Variants in SLC22A23 observed in about 807,000 individuals in gnomAD.
SLC22A23 encodes the protein ion transporter protein.
A neutral mutation model predicts 61.0 loss-of-function variants in SLC22A23; 26 were observed. That is an observed-to-expected ratio of 0.43 (90% CI 0.31 to 0.59). The LOEUF (loss-of-function observed/expected upper bound fraction) is 0.59. SLC22A23 is among the 20% of genes least tolerant of loss of function. The probability of loss-of-function intolerance (pLI) is 0.11; values close to 1 mark genes in which losing one functional copy is unlikely to be tolerated. For synonymous variants in SLC22A23, 430 were observed against 413.9 expected, an observed-to-expected ratio of 1.04 and a Z score of -0.47; for missense variants, 796 against 934.7, an observed-to-expected ratio of 0.85 and a Z score of 1.94.
In SLC22A23 at chr6:3,427,876, A is replaced by C. The variant is rs946843330; in HGVS notation, c.655-12021T>G. ...GCATGACAGCAGAGTGTGACTGTGCAGGCTGGCTCCCGGCCCCCGCCCTCT... is the reference window on the plus strand; with the variant it reads ...GCATGACAGCAGAGTGTGACTGTGCCGGCTGGCTCCCGGCCCCCGCCCTCT... On this transcript the variant is annotated intron_variant, in intron 1 of 9. Coordinates refer to ENST00000406686, the MANE Select transcript of SLC22A23 (RefSeq NM_015482.2). The surrounding 1 kb of genome is among the most constrained non-coding windows in gnomAD (Gnocchi z 4.3). 6.6e-6 allele frequency among the ~76,000 whole-genome samples: 1 copy of C among 152,320 alleles called. No homozygotes were observed. The highest frequency in any genetic ancestry group is 6.5e-5 in the Admixed American group (1 of 15,300).
At chr6:3,280,512 T>TCC (rs1554132934) in intron 9 of SLC22A23, among the ~76,000 whole-genome samples, 2,524 of 98,264 alleles carry the variant, frequency 0.026, 166 homozygotes, top group African/African-American at 0.085. Context: ...TTTTTTTTTT[T>TCC]TGAGATGGAG....
chr6:3,288,129 G>A (rs776805698), intron 6 of SLC22A23, among the ~76,000 whole-genome samples: 4 of 152,198 alleles, frequency 2.6e-5, no homozygotes, highest in Non-Finnish European at 4.4e-5. Context: ...ACCCTCCCAC[G>A]GAGGCTGCTG....
chr6:3,340,421 A>G (rs116439175), intron 3 of SLC22A23, among the ~76,000 whole-genome samples: 1 of 152,104 alleles, frequency 6.6e-6, no homozygotes, highest in Non-Finnish European at 1.5e-5. Context: ...TGGCCTGGGG[A>G]CCCATACGTA....
At position 3,355,456 on chromosome 6, in the gene SLC22A23, G is replaced by A. The variant is rs376334875; in HGVS notation, c.914-31454C>T. On this transcript the variant is annotated intron_variant, in intron 3 of 9. Coordinates refer to ENST00000406686, the MANE Select transcript of SLC22A23 (RefSeq NM_015482.2). ...GGTCGAGAAAAAAAATCTCCATGATGATCTCTTAGAAATATAAATGTATTT... is the reference window on the plus strand; with the variant it reads ...GGTCGAGAAAAAAAATCTCCATGATAATCTCTTAGAAATATAAATGTATTT... Among the ~76,000 whole-genome samples, 4 of 152,244 alleles carry A rather than the reference G, an allele frequency of 2.6e-5. No homozygotes were observed. In the East Asian group the frequency reaches 7.7e-4, roughly 29 times the overall value.
intron 3 of SLC22A23, among the ~76,000 whole-genome samples, chr6:3,354,219 C>T (rs904649503): frequency 1.1e-4 from 16 of 152,240 alleles, no homozygotes; most frequent in Admixed American, 5.9e-4. Flanking sequence ...GCACTCCCAA[C>T]GGAGAGGCAG....
chr6:3,405,400 G>A (rs1487293952), intron 3 of SLC22A23, among the ~76,000 whole-genome samples: 2 of 152,240 alleles, frequency 1.3e-5, no homozygotes, highest in East Asian at 3.8e-4. Context: ...CTACTGGGAA[G>A]GCCCACGTAT....
chr6:3,325,886 A>C (rs542637693), intron 3 of SLC22A23, among the ~76,000 whole-genome samples: 1 of 152,374 alleles, frequency 6.6e-6, no homozygotes, highest in South Asian at 2.1e-4. Flanking sequence ...GATAATGTGG[A>C]AACAGCATGA....
chr6:3,435,883 C>T (rs2127544532), intron 1 of SLC22A23, among the ~76,000 whole-genome samples: 1 of 152,308 alleles, frequency 6.6e-6, no homozygotes, highest in Non-Finnish European at 1.5e-5. Flanking sequence ...CAGACACACA[C>T]AGAGGGAGGA....
chr6:3,385,165 T>C (rs534725150), intron 3 of SLC22A23, among the ~76,000 whole-genome samples: 121 of 152,154 alleles, frequency 8.0e-4, no homozygotes, highest in Non-Finnish European at 1.5e-3. Flanking sequence ...TGGATGGTGG[T>C]GAGGGGTGCC....
intron 1 of SLC22A23, among the ~76,000 whole-genome samples, chr6:3,434,663 A>G (rs1269799140): frequency 6.6e-6 from 1 of 152,182 alleles, no homozygotes; most frequent in Non-Finnish European, 1.5e-5. Flanking sequence ...CAGGGCAGAA[A>G]TATCTGATGG....
At chr6:3,319,350 G>T (rs146762271) in intron 4 of SLC22A23, among the ~76,000 whole-genome samples, 1 of 152,206 alleles carries the variant, frequency 6.6e-6, no homozygotes, top group Non-Finnish European at 1.5e-5. Context: ...CCAGAAGTTT[G>T]TGTGACTTCC....
intron 1 of SLC22A23, among the ~76,000 whole-genome samples, chr6:3,416,201 G>T (rs1287710697): frequency 6.6e-6 from 1 of 152,252 alleles, no homozygotes; most frequent in Non-Finnish European, 1.5e-5. Context: ...AGGACCAGTG[G>T]TCCCTCACCA....
rs371305286 is a variant in SLC22A23, at chr6:3,273,361, C to A, written c.1755G>T (p.Thr585=). ...VLASAGFGML[T]APIIELHNQK... ...GGTTGTGCAGCTCGATGATGGGTGC[C>A]GTCAGCATGCCGAAGCCCGCGCTGG... The change falls in exon 10 of 10, where the codon ACG becomes ACT. Residue 585 remains threonine (T), a synonymous_variant. Coordinates refer to ENST00000406686, the MANE Select transcript of SLC22A23 (RefSeq NM_015482.2). 2 of 1,613,430 alleles carry A rather than the reference C, an allele frequency of 1.2e-6. No homozygotes were observed. The highest frequency in any genetic ancestry group is 1.7e-6 in the Non-Finnish European group (2 of 1,179,938).
At position 3,293,361 on chromosome 6, in the gene SLC22A23, G is replaced by A. The variant is rs1024178539; in HGVS notation, c.1211-3495C>T. Reference sequence around the variant, plus strand: ...GGAGGCAGCCCTGAGCCCCACACCCGTGTTGGGAAGTAGAAAAAGCACCTG... The same window carrying A: ...GGAGGCAGCCCTGAGCCCCACACCCATGTTGGGAAGTAGAAAAAGCACCTG... On this transcript the variant is annotated intron_variant, in intron 5 of 9. Transcript: ENST00000406686. 7.9e-5 allele frequency among the ~76,000 whole-genome samples: 12 copies of A among 152,182 alleles called. No homozygotes were observed. The East Asian group carries it at 1.7e-3, about 22-fold the overall frequency.
intron 3 of SLC22A23, among the ~76,000 whole-genome samples, chr6:3,374,949 G>A (rs1766464784): frequency 6.6e-6 from 1 of 152,212 alleles, no homozygotes; most frequent in Non-Finnish European, 1.5e-5. Context: ...CATTTCTAAA[G>A]AGGAAACTGA....
intron 3 of SLC22A23, among the ~76,000 whole-genome samples, chr6:3,349,114 A>G (rs1489467377): frequency 1.3e-5 from 2 of 152,222 alleles, no homozygotes; most frequent in African/African-American, 4.8e-5. Flanking sequence ...CTTTTCTGCA[A>G]ACAGCTGGGT....
chr6:3,295,465 G>C (rs750398405), intron 5 of SLC22A23, among the ~76,000 whole-genome samples: 9 of 152,192 alleles, frequency 5.9e-5, no homozygotes, highest in Non-Finnish European at 1.0e-4. Flanking sequence ...CTACCCGAAA[G>C]GCACTGGGAG....
Position 3,342,228 on chromosome 6 carries a change from T to C in SLC22A23, c.914-18226A>G, listed in dbSNP as rs979734613. On this transcript the variant is annotated intron_variant, in intron 3 of 9. Coordinates refer to ENST00000406686, the MANE Select transcript of SLC22A23 (RefSeq NM_015482.2). The surrounding 1 kb of genome is among the most constrained non-coding windows in gnomAD (Gnocchi z 4.0). ...TCAAGATGGAAGCCTCAATTTGAAA[T>C]CCAGCCCAATGTGGTTTGCTGTTTT... Among the ~76,000 whole-genome samples the C allele has an allele frequency of 3.9e-5, 6 of 152,216 alleles. No homozygotes were observed. Among genetic ancestry groups the C allele is most frequent in the Non-Finnish European group, 8.8e-5 (6 of 68,032 alleles).
At chr6:3,288,576 A>G (rs1187795441) in intron 6 of SLC22A23, among the ~76,000 whole-genome samples, 4 of 152,250 alleles carry the variant, frequency 2.6e-5, no homozygotes, top group African/African-American at 9.6e-5. Context: ...CCTGACCACA[A>G]CAGGTCATCT....
Sources: allele counts gnomAD v4.1 joint callset (sites outside exome capture counted in the v4.1 genomes callset), GRCh38; gene constraint gnomAD v4.1.1; non-coding constraint Gnocchi (gnomAD v3.1); transcripts MANE v1.5; gene names NCBI Gene and HGNC (gene_info 2026-07-23, HGNC 2026-07-21).